Variants in NMRK2 observed in about 807,000 individuals in gnomAD.
The protein encoded by NMRK2 is NRK 2.
A neutral mutation model predicts 24.7 loss-of-function variants in NMRK2; 34 were observed. That is an observed-to-expected ratio of 1.37 (90% CI 1.05 to 1.83). NMRK2 has a LOEUF of 1.83. Ranked by LOEUF, NMRK2 falls within the 40% of genes most tolerant of loss-of-function variation. NMRK2 has a pLI of 0.00. For missense variants in NMRK2, 341 were observed against 315.0 expected, an observed-to-expected ratio of 1.08 and a Z score of -0.62; for synonymous variants, 145 against 125.6, an observed-to-expected ratio of 1.15 and a Z score of -1.03.
At chr19:3,941,220 G>T (rs759186965) in intron 7 of NMRK2, 43 bp downstream of exon 7, 3 of 1,036,480 alleles carry the variant, frequency 2.9e-6, no homozygotes, top group East Asian at 2.4e-5. Flanking sequence ...GGGCGGGCGG[G>T]GGGGACCCTG....
At position 3,939,891 on chromosome 19, in the gene NMRK2, T is replaced by C; in HGVS notation, c.324-9T>C. On this transcript the variant is annotated splice_polypyrimidine_tract_variant and intron_variant, in intron 5 of 7. Transcript: ENST00000168977. The stretch of plus-strand genomic sequence containing the variant: ...CAGGTGCTGACCGTGTCTCCCCCAC[T>C]CCGCCCAGGCCCCTGGTGGACTTGT... 6.2e-7 allele frequency: 1 copy of C among 1,612,008 alleles called. No individual in the cohort carries two copies. The highest frequency in any genetic ancestry group is 8.5e-7 in the Non-Finnish European group (1 of 1,178,406).
rs575476626 is a variant in NMRK2, at chr19:3,941,893, G to A, written c.503-190G>A. Among the ~76,000 whole-genome samples the A allele has an allele frequency of 2.0e-4, 30 of 151,968 alleles. No homozygotes were observed. The South Asian group carries it at 2.7e-3, about 14-fold the overall frequency. ...CCTGACCTCGTGATCCGCCTGCCTC[G>A]GCCTCCCAAAGTGCTAGGATTACAG... On this transcript the variant is annotated intron_variant, in intron 7 of 7. Coordinates refer to ENST00000168977, the MANE Select transcript of NMRK2 (RefSeq NM_170678.3).
At chr19:3,933,386 G>C (rs1050415227) in intron 1 of NMRK2, 72 bp from the exon 2 acceptor site, 29 of 477,688 alleles carry the variant, frequency 6.1e-5, no homozygotes, top group African/African-American at 6.0e-4. Context: ...TGGAGAGAGG[G>C]CAGGGAGGTG....
rs1054599024 is a variant in NMRK2, at chr19:3,933,616, G to A, written c.-56G>A. 82 of 1,514,836 alleles carry A rather than the reference G, an allele frequency of 5.4e-5. No homozygotes were observed. Among genetic ancestry groups the A allele is most frequent in the Non-Finnish European group, 6.7e-5 (76 of 1,132,842 alleles). The allele number at this position is 1,514,836 out of a possible 1,614,324, so 93.8% of individuals were successfully genotyped here. Reference sequence around the variant, plus strand: ...GACGCACTCCGGAGCGCACTGCGTGGTCGCACCCTACCCGGGCTGCCTTGG... The same window carrying A: ...GACGCACTCCGGAGCGCACTGCGTGATCGCACCCTACCCGGGCTGCCTTGG... On this transcript the variant is annotated 5_prime_UTR_variant, in exon 2 of 8. The change creates a premature stop within an existing upstream ORF in the 5' untranslated region. Transcript: ENST00000168977.
chr19:3,939,630 C>T (rs1490991300), intron 5 of NMRK2, among the ~76,000 whole-genome samples: 1 of 152,168 alleles, frequency 6.6e-6, no homozygotes, highest in African/African-American at 2.4e-5. Context: ...ACCTAGGCTG[C>T]GCCCTCTGGC....
At chr19:3,935,808 C>T (rs1002087654) in intron 2 of NMRK2, among the ~76,000 whole-genome samples, 1 of 151,214 alleles carries the variant, frequency 6.6e-6, no homozygotes, top group Non-Finnish European at 1.5e-5. Flanking sequence ...TGAGCTCAAG[C>T]GATCCACCTG....
chr19:3,940,036 C>T, intron 6 of NMRK2, 65 bp downstream of exon 6: 3 of 1,414,438 alleles, frequency 2.1e-6, no homozygotes, highest in Non-Finnish European at 3.0e-6. Context: ...CTGGGTGGAA[C>T]CAGCGGTAAC....
rs752138779 is a variant in NMRK2, at chr19:3,940,734, C to CAA, written c.396-319_396-318dup. 3.9e-3 allele frequency among the ~76,000 whole-genome samples: 291 copies of CAA among 74,266 alleles called. 2 individuals carry two copies. The highest frequency in any genetic ancestry group is 4.6e-3 in the African/African-American group (95 of 20,860). The allele number at this position is 74,266 out of a possible 152,430, so 48.7% of individuals were successfully genotyped here. ...TGGGCAACAGAGCGAGATTCCATCTCAAAAAAAAAAAAAAAAAAAGAGAAA... is the reference window on the plus strand; with the variant it reads ...TGGGCAACAGAGCGAGATTCCATCTCAAAAAAAAAAAAAAAAAAAAAGAGAAA... On this transcript the variant is annotated intron_variant, in intron 6 of 7. Coordinates refer to ENST00000168977, the MANE Select transcript of NMRK2 (RefSeq NM_170678.3).
At chr19:3,938,871 A>G in intron 5 of NMRK2, 112 bp downstream of exon 5, 3 of 830,594 alleles carry the variant, frequency 3.6e-6, no homozygotes, top group Non-Finnish European at 4.9e-6. Flanking sequence ...TTTTGAGACA[A>G]GAGTTTTGCT....
rs768503652 is a variant in NMRK2 at position 3,942,150 on chromosome 19, G to A, written c.570G>A (p.Ser190=). ...AAGTCCTGGAAGACATTCAGAACTC[G>A]CTGCTGAACCGCTCCCAGGAATCAG... ...FREVLEDIQN[S]LLNRSQESAP... The change falls in exon 8 of 8, where the codon TCG becomes TCA. Residue 190 remains serine, a synonymous_variant. Coordinates refer to ENST00000168977, the MANE Select transcript of NMRK2 (RefSeq NM_170678.3). The A allele has an allele frequency of 4.3e-6, 7 of 1,613,276 alleles. No individual in the cohort carries two copies. The highest frequency in any genetic ancestry group is 1.1e-5 in the South Asian group (1 of 91,086).
intron 6 of NMRK2, 88 bp from the exon 7 acceptor site, chr19:3,940,983 T>G: frequency 1.2e-6 from 1 of 839,792 alleles, no homozygotes; most frequent in Non-Finnish European, 2.0e-6. Context: ...TGTCCCTGAC[T>G]ATGACAGCTT....
intron 3 of NMRK2, 38 bp from the exon 4 acceptor site, chr19:3,937,202 C>T (rs775705769): frequency 5.0e-6 from 8 of 1,609,826 alleles, no homozygotes; most frequent in East Asian, 4.5e-5. Flanking sequence ...GAGGCAGGAC[C>T]GGGCACTGAG....
intron 6 of NMRK2, among the ~76,000 whole-genome samples, chr19:3,940,203 C>T (rs372132975): frequency 1.5e-4 from 21 of 144,596 alleles, no homozygotes; most frequent in African/African-American, 5.4e-4. Flanking sequence ...AAAAATTAGT[C>T]GGGCGTAGTG....
At chr19:3,941,046 C>T in intron 6 of NMRK2, 25 bp from the exon 7 acceptor site, 3 of 1,490,236 alleles carry the variant, frequency 2.0e-6, no homozygotes, top group Non-Finnish European at 2.8e-6. Context: ...GTGCTCTAAG[C>T]CATCCTTGCC....
intron 7 of NMRK2, 43 bp downstream of exon 7, chr19:3,941,220 G>A (rs759186965): frequency 2.9e-6 from 3 of 1,036,368 alleles, no homozygotes; most frequent in South Asian, 1.3e-5. Context: ...GGGCGGGCGG[G>A]GGGGACCCTG....
chr19:3,937,124 C>T, intron 3 of NMRK2, 116 bp from the exon 4 acceptor site: 1 of 958,192 alleles, frequency 1.0e-6, no homozygotes, highest in South Asian at 1.4e-5. Flanking sequence ...GGCAGAGCCC[C>T]CACGCCTCAG....
intron 5 of NMRK2, 90 bp downstream of exon 5, chr19:3,938,849 G>GTTT (rs59201914): frequency 9.2e-5 from 21 of 228,044 alleles, no homozygotes; most frequent in Non-Finnish European, 1.3e-4. Context: ...TTTTTGTTTT[G>GTTT]TTTTTTTTTT....
At chr19:3,935,682 C>T (rs1217160066) in intron 2 of NMRK2, among the ~76,000 whole-genome samples, 6 of 152,036 alleles carry the variant, frequency 3.9e-5, no homozygotes, top group South Asian at 2.1e-4. Flanking sequence ...CAGGCTCAGG[C>T]GATCCTCCCA....
chr19:3,934,537 ATTTTTTG>A (rs1472461724), intron 2 of NMRK2, among the ~76,000 whole-genome samples: 3 of 109,872 alleles, frequency 2.7e-5, no homozygotes, highest in African/African-American at 1.1e-4. Flanking sequence ...TGAATTTCAT[ATTTTTTG>A]TTTTTTGGGG....
Sources: allele counts gnomAD v4.1 joint callset (sites outside exome capture counted in the v4.1 genomes callset), GRCh38; gene constraint gnomAD v4.1.1; transcripts MANE v1.5; gene names NCBI Gene and HGNC (gene_info 2026-07-23, HGNC 2026-07-21).